The following CTNNA3 variants were observed in gnomAD, a reference collection of about 807,000 sequenced individuals.
CTNNA3 encodes the protein catenin alpha 3, also known as catenin alpha-3.
In CTNNA3, 76 loss-of-function variants were observed where a neutral mutation model predicts 95.7. The observed-to-expected ratio is 0.79, with a 90% CI of 0.66 to 0.96. CTNNA3 has a LOEUF of 0.96. Among genes scored for constraint, CTNNA3 ranks in the 40% least tolerant of loss-of-function variants. The pLI, the probability that CTNNA3 is intolerant of heterozygous loss-of-function variation, is 0.00. For synonymous variants in CTNNA3, 431 were observed against 374.4 expected, an observed-to-expected ratio of 1.15 and a Z score of -1.74; for missense variants, 1,191 against 1,089.8, an observed-to-expected ratio of 1.09 and a Z score of -1.31.
chr10:67,623,913 T>C (rs902619166), intron 2 of CTNNA3, among the ~76,000 whole-genome samples: 4 of 151,990 alleles, frequency 2.6e-5, no homozygotes, highest in African/African-American at 9.7e-5. Flanking sequence ...GTCTCCCAGG[T>C]TCAAGCGATT....
intron 7 of CTNNA3, among the ~76,000 whole-genome samples, chr10:66,943,519 C>CTT (rs34477836): frequency 7.1e-6 from 1 of 141,488 alleles, no homozygotes; most frequent in Non-Finnish European, 1.6e-5. Context: ...TTCCCCCACC[C>CTT]TTTTTTTTTT....
intron 10 of CTNNA3, among the ~76,000 whole-genome samples, chr10:66,566,991 G>C (rs1016188135): frequency 2.7e-5 from 3 of 109,620 alleles, no homozygotes; most frequent in African/African-American, 8.3e-5. Flanking sequence ...AGGATGGTAG[G>C]GGGAGGGGGA....
At chr10:67,060,449 ATAAAAG>A (rs1415799296) in intron 7 of CTNNA3, among the ~76,000 whole-genome samples, 1 of 152,234 alleles carries the variant, frequency 6.6e-6, no homozygotes, top group Non-Finnish European at 1.5e-5. Flanking sequence ...ACTCAAGTAC[ATAAAAG>A]TAAATGTTTC....
At chr10:66,623,453 C>G (rs568212250) in intron 9 of CTNNA3, among the ~76,000 whole-genome samples, 3 of 132,494 alleles carry the variant, frequency 2.3e-5, no homozygotes, top group African/African-American at 7.8e-5. Flanking sequence ...TGGATATTTG[C>G]TGGCCACCGA....
At chr10:67,752,957 A>C (rs1049131155) in intron 1 of CTNNA3, among the ~76,000 whole-genome samples, 34 of 152,220 alleles carry the variant, frequency 2.2e-4, no homozygotes, top group Non-Finnish European at 4.4e-4. Context: ...TTTTCAAAAA[A>C]TTAGAAAAAA....
intron 1 of CTNNA3, among the ~76,000 whole-genome samples, chr10:67,744,721 A>G (rs1327826775): frequency 6.7e-6 from 1 of 148,260 alleles, no homozygotes; most frequent in South Asian, 2.1e-4. Context: ...CAGGCAACCT[A>G]CAGAATGGGA....
intron 5 of CTNNA3, among the ~76,000 whole-genome samples, chr10:67,427,792 C>T (rs1845974111): frequency 6.6e-6 from 1 of 151,998 alleles, no homozygotes; most frequent in Non-Finnish European, 1.5e-5. Flanking sequence ...GAAGGCTGTC[C>T]TCACCAGAGT....
At chr10:67,244,053 A>C (rs1865814708) in intron 5 of CTNNA3, among the ~76,000 whole-genome samples, 1 of 152,216 alleles carries the variant, frequency 6.6e-6, no homozygotes, top group African/African-American at 2.4e-5. Flanking sequence ...AAAATAATTT[A>C]CTTTTCCATG....
intron 10 of CTNNA3, among the ~76,000 whole-genome samples, chr10:66,616,304 T>C (rs2660029): frequency 0.091 from 13,815 of 152,072 alleles, 1,503 homozygotes; most frequent in African/African-American, 0.26. Flanking sequence ...CTCAATAAAG[T>C]CCAATTCCTG....
At chr10:66,930,884 T>C (rs1356593198) in intron 7 of CTNNA3, among the ~76,000 whole-genome samples, 1 of 152,094 alleles carries the variant, frequency 6.6e-6, no homozygotes, top group Admixed American at 6.6e-5. Context: ...GGGAAAAAAG[T>C]TCTTTCTTTC....
At chr10:65,965,834 G>T (rs1416214032) in intron 17 of CTNNA3, among the ~76,000 whole-genome samples, 1 of 151,670 alleles carries the variant, frequency 6.6e-6, no homozygotes, top group South Asian at 2.1e-4. Context: ...ATATACTAGT[G>T]TAATTAAAAA....
At chr10:67,687,069 C>G (rs957659705) in intron 1 of CTNNA3, among the ~76,000 whole-genome samples, 3 of 152,184 alleles carry the variant, frequency 2.0e-5, no homozygotes, top group Admixed American at 2.0e-4. Context: ...GGAGAAATAC[C>G]TGGTTACAGG....
chr10:66,383,590 A>G (rs2092861023), intron 11 of CTNNA3, among the ~76,000 whole-genome samples: 1 of 152,214 alleles, frequency 6.6e-6, no homozygotes, highest in South Asian at 2.1e-4. Flanking sequence ...CAGGAAATAC[A>G]GAGAACACCA....
At chr10:66,320,406 A>G (rs911493719) in intron 12 of CTNNA3, among the ~76,000 whole-genome samples, 1 of 152,106 alleles carries the variant, frequency 6.6e-6, no homozygotes, top group African/African-American at 2.4e-5. Flanking sequence ...TTTAATTAAT[A>G]TATGTCAGTG....
intron 7 of CTNNA3, among the ~76,000 whole-genome samples, chr10:67,165,638 T>C (rs1194324338): frequency 1.3e-5 from 2 of 152,184 alleles, no homozygotes; most frequent in Admixed American, 6.5e-5. Context: ...AATCTATAAT[T>C]ATTTCAAAAT....
At chr10:66,289,438 T>C (rs1402321133) in intron 12 of CTNNA3, among the ~76,000 whole-genome samples, 1 of 151,752 alleles carries the variant, frequency 6.6e-6, no homozygotes, top group East Asian at 1.9e-4. Flanking sequence ...TTACACCCAA[T>C]ATATTAACTT....
At chr10:67,737,603 C>T (rs1334250730) in intron 1 of CTNNA3, among the ~76,000 whole-genome samples, 3 of 152,150 alleles carry the variant, frequency 2.0e-5, no homozygotes, top group Non-Finnish European at 4.4e-5. Flanking sequence ...AGGATATGAA[C>T]AGACACTTCT....
At chr10:66,034,769 C>G (rs2079526790) in intron 15 of CTNNA3, among the ~76,000 whole-genome samples, 1 of 152,088 alleles carries the variant, frequency 6.6e-6, no homozygotes, top group Non-Finnish European at 1.5e-5. Context: ...AATTAAAGCT[C>G]ATGAAGGGAA....
chr10:67,729,888 T>C (rs1055392796), intron 1 of CTNNA3, among the ~76,000 whole-genome samples: 1 of 152,144 alleles, frequency 6.6e-6, no homozygotes, highest in Non-Finnish European at 1.5e-5. Context: ...TTTTAAAATA[T>C]GTAAAAATAA....
Sources: gnomAD v4.1 joint callset for allele counts (sites outside exome capture counted in the v4.1 genomes callset) on GRCh38, gnomAD v4.1.1 for gene constraint, MANE v1.5 for transcripts, NCBI Gene and HGNC (gene_info 2026-07-23, HGNC 2026-07-21) for gene names.